The following PTCH1 variants were observed in gnomAD, a reference collection of about 807,000 sequenced individuals.
PTCH1 encodes the protein protein patched homolog 1.
PTCH1 carries 14 observed loss-of-function variants against 144.6 expected under a neutral mutation model. That is an observed-to-expected ratio of 0.10 (90% confidence interval 0.06 to 0.15). PTCH1 has a LOEUF of 0.15. PTCH1 is among the 10% of genes least tolerant of loss of function. PTCH1 has a pLI of 1.00. For synonymous variants in PTCH1, 833 were observed against 793.6 expected, an observed-to-expected ratio of 1.05 and a Z score of -0.83; for missense variants, 1,623 against 1,948.3, an observed-to-expected ratio of 0.83 and a Z score of 3.14.
In PTCH1 at chr9:95,447,026, C is replaced by A. The variant is rs774528758; in HGVS notation, c.4230G>T (p.Glu1410Asp). Reference sequence around the variant, plus strand: ...GGACGTGGAAAGGCACGTGGGGGTCCTCAAACAGGCCGTGGTCAGTCTCAG... The same window carrying A: ...GGACGTGGAAAGGCACGTGGGGGTCATCAAACAGGCCGTGGTCAGTCTCAG... ...GYPETDHGLF[E>D]DPHVPFHVRC... is the part of the protein sequence containing the mutation. The change falls in exon 23 of 24, where the codon GAG (glutamate) becomes GAT (aspartate). Residue 1410 changes from glutamate (E) to aspartate (D), a missense_variant. Glu to Asp is a conservative substitution (Grantham distance 45). Around this residue, in one of 7 missense-constraint regions of PTCH1, gnomAD observed 291 missense variants for 287.4 expected, o/e 1.01. Coordinates refer to ENST00000331920, the MANE Select transcript of PTCH1 (RefSeq NM_000264.5). 6.2e-7 allele frequency: 1 copy of A among 1,614,218 alleles called. No homozygotes were observed. The highest frequency in any genetic ancestry group is 1.1e-5 in the South Asian group (1 of 91,092).
chr9:95,448,185 C>T (rs1838131813), intron 22 of PTCH1, among the ~76,000 whole-genome samples: 1 of 152,234 alleles, frequency 6.6e-6, no homozygotes, highest in African/African-American at 2.4e-5. Flanking sequence ...TATTTTTAGG[C>T]TCCTGCTGAA....
rs192784091 is a variant in PTCH1, at chr9:95,463,110, G to A, written c.2561-1112C>T. On this transcript the variant is annotated intron_variant, in intron 15 of 23. Coordinates refer to ENST00000331920, the MANE Select transcript of PTCH1 (RefSeq NM_000264.5). ...TACATGTATGGGTTGGACACGGCTA[G>A]TAAGAAGGGAGAAGCGTTTATTTCA... is the stretch of plus-strand genomic sequence containing the variant. Among the ~76,000 whole-genome samples the A allele has an allele frequency of 4.9e-3, 746 of 152,116 alleles. 7 individuals carry two copies. Among genetic ancestry groups the A allele is most frequent in the African/African-American group, 0.017 (697 of 41,478 alleles).
Position 95,467,338 on chromosome 9 carries a change from T to C in PTCH1, c.2338A>G (p.Ile780Val), listed in dbSNP as rs1388496324. The C allele has an allele frequency of 3.1e-6, 5 of 1,614,216 alleles. No homozygotes were observed. Among genetic ancestry groups the C allele is most frequent in the Admixed American group, 1.7e-5 (1 of 60,026 alleles). Residue 780 changes from isoleucine to valine, a missense_variant, in exon 15 of 24, where the codon ATT becomes GTT. Transcript: ENST00000331920. ...TATTCTCTGGTTTCCCGAGGTACAATGTCCGTAAGGTCCAGCCCGTCTCTC... is the reference window on the plus strand; with the variant it reads ...TATTCTCTGGTTTCCCGAGGTACAACGTCCGTAAGGTCCAGCCCGTCTCTC... ...RVRDGLDLTD[I>V]VPRETREYDF...
At chr9:95,453,664 C>A (rs1399141117) in intron 19 of PTCH1, 44 bp from the exon 20 acceptor site, 2 of 1,610,066 alleles carry the variant, frequency 1.2e-6, no homozygotes, top group Admixed American at 3.3e-5. Flanking sequence ...CTGGACTTCA[C>A]CTGGTAAATG....
intron 22 of PTCH1, 81 bp from the exon 23 acceptor site, chr9:95,447,532 G>T: frequency 1.4e-6 from 2 of 1,417,398 alleles, no homozygotes; most frequent in Non-Finnish European, 1.9e-6. Context: ...TCCCTCCTTG[G>T]GTTTCACCAA....
At chr9:95,516,781 GA>G in exon 1 of PTCH1, 1 of 1,612,518 alleles carries the variant, frequency 6.2e-7, no homozygotes, top group Non-Finnish European at 8.5e-7. Context: ...GTGCAGCGCG[GA>G]CTCACAATTA....
chr9:95,482,118 C>T lies in PTCH1; in HGVS notation c.654+16G>A. 1 of 1,613,918 alleles carries T rather than the reference C, an allele frequency of 6.2e-7. No individual in the cohort carries two copies. The highest frequency in any genetic ancestry group is 8.5e-7 in the Non-Finnish European group (1 of 1,179,808). ...GGTGTTCCTGAGAAATTTTTGCCAACAAGAAGAAAATATACCTGATCCATG... is the reference window on the plus strand; with the variant it reads ...GGTGTTCCTGAGAAATTTTTGCCAATAAGAAGAAAATATACCTGATCCATG... On this transcript the variant is annotated intron_variant, in intron 4 of 23. Transcript: ENST00000331920.
rs1166897384 is a variant in PTCH1, at chr9:95,445,390, A to G, written c.*1003T>C. The G allele has an allele frequency of 6.6e-6, 1 of 152,176 alleles. No homozygotes were observed. Among genetic ancestry groups the G allele is most frequent in the Non-Finnish European group, 1.5e-5 (1 of 68,070 alleles). The allele number at this position is 152,176 out of a possible 1,614,324, so 9.4% of individuals were successfully genotyped here. A position where few individuals can be genotyped will look rare whatever the true frequency, so the allele number is the denominator to read the frequency against. ...GTATACAGACTCTCATGGCCCAGCCAAGGCTCAGCACTAGGCATGTCACCG... is the reference window on the plus strand; with the variant it reads ...GTATACAGACTCTCATGGCCCAGCCGAGGCTCAGCACTAGGCATGTCACCG... On this transcript the variant is annotated 3_prime_UTR_variant, in exon 24 of 24. Transcript: ENST00000331920.
chr9:95,467,023 C>G, intron 15 of PTCH1, 93 bp downstream of exon 15: 1 of 1,377,632 alleles, frequency 7.3e-7, no homozygotes, highest in Non-Finnish European at 1.0e-6. Context: ...GTGTTACATT[C>G]TAATCTAACG....
At chr9:95,495,360 G>A (rs932330950) in intron 2 of PTCH1, 3 of 151,886 alleles carry the variant, frequency 2.0e-5, no homozygotes, top group African/African-American at 7.3e-5. Flanking sequence ...ATAAATTCCC[G>A]CATCATGCAT....
intron 2 of PTCH1, among the ~76,000 whole-genome samples, chr9:95,501,139 C>T (rs1427367944): frequency 6.6e-6 from 1 of 152,186 alleles, no homozygotes; most frequent in Non-Finnish European, 1.5e-5. Context: ...ATGAGTCTTC[C>T]AATCAAAATC....
chr9:95,489,340 G>A (rs1564067422), intron 2 of PTCH1, among the ~76,000 whole-genome samples: 2 of 151,958 alleles, frequency 1.3e-5, no homozygotes, highest in African/African-American at 4.8e-5. Context: ...GGAGAAATAG[G>A]TTTCCCCCTT....
chr9:95,455,421 C>T (rs1838826623), intron 19 of PTCH1, among the ~76,000 whole-genome samples: 1 of 152,184 alleles, frequency 6.6e-6, no homozygotes, highest in Non-Finnish European at 1.5e-5. Context: ...GTATTTCGCA[C>T]GTCGATATTT....
chr9:95,508,578 G>A lies in PTCH1; in HGVS notation c.-217C>T. The A allele has an allele frequency of 1.3e-5, 13 of 1,000,626 alleles. No individual in the cohort carries two copies. The South Asian group carries it at 5.6e-4, about 43-fold the overall frequency. 62.0% of individuals were successfully genotyped at this position (1,000,626 alleles called of 1,614,324 possible). A position where few individuals can be genotyped will look rare whatever the true frequency, so the allele number is the denominator to read the frequency against. ...TGCCGCTGCGGCCGCGGCCGCTGCCGGGGAGTCAGACCCTGCGCCTTCCAT... is the reference window on the plus strand; with the variant it reads ...TGCCGCTGCGGCCGCGGCCGCTGCCAGGGAGTCAGACCCTGCGCCTTCCAT... On this transcript the variant is annotated 5_prime_UTR_variant, in exon 1 of 24. Transcript: ENST00000331920.
chr9:95,453,375 C>A (rs913460923), intron 20 of PTCH1, 103 bp downstream of exon 20: 5 of 1,551,084 alleles, frequency 3.2e-6, no homozygotes, highest in Non-Finnish European at 4.4e-6. Flanking sequence ...TCTGATCCAC[C>A]CGCCTCGGCC....
chr9:95,495,661 A>C (rs1842740526), intron 2 of PTCH1, among the ~76,000 whole-genome samples: 1 of 152,218 alleles, frequency 6.6e-6, no homozygotes, highest in Middle Eastern at 3.4e-3. Flanking sequence ...CTCCTCTTCT[A>C]AAGGACCAAT....
rs549886116 is a variant in PTCH1, at chr9:95,473,596, G to C, written c.1728+2438C>G. Among the ~76,000 whole-genome samples, 441 of 146,674 alleles carry C rather than the reference G, an allele frequency of 3.0e-3. 1 individual carries two copies. Among genetic ancestry groups the C allele is most frequent in the African/African-American group, 0.01 (407 of 39,240 alleles). On this transcript the variant is annotated intron_variant, in intron 12 of 23. Coordinates refer to ENST00000331920, the MANE Select transcript of PTCH1 (RefSeq NM_000264.5). Reference sequence around the variant, plus strand: ...GTCTTGTTCTGTCACCCAGGCTGGAGTGCAATAGCACGATCTCAGCTCACC... The same window carrying C: ...GTCTTGTTCTGTCACCCAGGCTGGACTGCAATAGCACGATCTCAGCTCACC...
intron 3 of PTCH1, chr9:95,484,328 T>C (rs1841810629): frequency 6.6e-6 from 1 of 152,214 alleles, no homozygotes. Context: ...TCTAAGGCCC[T>C]TGCATTCATG....
chr9:95,472,222 T>C (rs760821995), intron 12 of PTCH1, among the ~76,000 whole-genome samples: 17 of 152,178 alleles, frequency 1.1e-4, no homozygotes, highest in Non-Finnish European at 2.1e-4. Context: ...ACCTGATTCA[T>C]AGCAAACAGG....
Sources: allele counts gnomAD v4.1 joint callset (sites outside exome capture counted in the v4.1 genomes callset), GRCh38; gene constraint gnomAD v4.1.1; regional missense constraint gnomAD v4.1.1; transcripts MANE v1.5; gene names NCBI Gene and HGNC (gene_info 2026-07-23, HGNC 2026-07-21).